Variants in EEF1AKMT1 observed in about 807,000 individuals in gnomAD.
EEF1AKMT1 encodes the protein N-6 adenine-specific DNA methyltransferase 2 (putative).
EEF1AKMT1 carries 18 observed loss-of-function variants against 21.0 expected under a neutral mutation model. That is an observed-to-expected ratio of 0.86 (90% CI 0.59 to 1.27). The LOEUF is 1.27. Among genes scored for constraint, EEF1AKMT1 ranks in the 50% most tolerant of loss-of-function variants. EEF1AKMT1 has a pLI of 0.00. For missense variants in EEF1AKMT1, 246 were observed against 258.6 expected (o/e 0.95, Z 0.33); for synonymous variants, 109 against 94.8 (o/e 1.15, Z -0.87).
At chr13:20,773,899 T>G (rs1040951378) in intron 1 of EEF1AKMT1, 22 bp downstream of exon 1, 2 of 152,394 alleles carry the variant, frequency 1.3e-5, no homozygotes, top group Non-Finnish European at 1.5e-5. Context: ...ACCCTACAGC[T>G]GCGCCCGAAC....
At chr13:20,732,732 CA>C (rs1378858152) in intron 3 of EEF1AKMT1, among the ~76,000 whole-genome samples, 1 of 152,102 alleles carries the variant, frequency 6.6e-6, no homozygotes, top group East Asian at 1.9e-4. Context: ...GTAGTTAGCC[CA>C]AAGCCTAAAT....
rs540291914 is a variant in EEF1AKMT1, at chr13:20,737,366, AAAAT to A, written c.227+353_227+356del. On this transcript the variant is annotated intron_variant, in intron 3 of 4. Coordinates refer to ENST00000382758, the MANE Select transcript of EEF1AKMT1 (RefSeq NM_001318939.2). ...GGGCAACAGAGTGAGACTCCGTCTC[AAAAT>A]AAATAAATACATACATACATATATA... 5.3e-5 allele frequency among the ~76,000 whole-genome samples: 8 copies of A among 152,310 alleles called. No individual in the cohort carries two copies. The South Asian group carries it at 8.3e-4, about 16-fold the overall frequency.
chr13:20,747,021 G>T (rs2058909146), intron 2 of EEF1AKMT1: 3 of 153,572 alleles, frequency 2.0e-5, no homozygotes, highest in Admixed American at 6.5e-5. Context: ...GGGCACATTT[G>T]TTACCTACAT....
chr13:20,767,291 G>A lies in EEF1AKMT1; in HGVS notation c.-20+6630C>T, dbSNP rs537810414. Among the ~76,000 whole-genome samples, 201 of 123,762 alleles carry A rather than the reference G, an allele frequency of 1.6e-3. 1 individual carries two copies. Among genetic ancestry groups the A allele is most frequent in the African/African-American group, 6.1e-3 (196 of 32,030 alleles). 81.2% of individuals were successfully genotyped at this position (123,762 alleles called of 152,430 possible). A position where few individuals can be genotyped will look rare whatever the true frequency, so the allele number is the denominator to read the frequency against. On this transcript the variant is annotated intron_variant, in intron 1 of 4. Transcript: ENST00000382758. ...ACTGCACTCCTGCCTGGGCGACAAA[G>A]CGAGATTCTGTCTCAAAAAAAAAAA...
rs761771447 is a variant in EEF1AKMT1, at chr13:20,731,906, T to A, written c.443A>T (p.Glu148Val). The A allele has an allele frequency of 1.2e-6, 2 of 1,614,162 alleles. No homozygotes were observed. The highest frequency in any genetic ancestry group is 1.7e-6 in the Non-Finnish European group (2 of 1,180,032). ...VIADPPYLSE[E>V]CLRKTSETVK... ...GGTTTCCGATGTTTTTCTGAGACAT[T>A]CCTCCGAAAGATAGGGAGGATCTGC... is the stretch of plus-strand genomic sequence containing the variant. Residue 148 changes from glutamate (E) to valine (V), a missense_variant, in exon 4 of 5, where the codon GAA becomes GTA. By Grantham distance (121) the Glu-to-Val change is moderately radical. Transcript: ENST00000382758.
intron 1 of EEF1AKMT1, among the ~76,000 whole-genome samples, chr13:20,759,026 T>C (rs1038580261): frequency 2.0e-5 from 3 of 152,170 alleles, no homozygotes; most frequent in Non-Finnish European, 2.9e-5. Flanking sequence ...TAACTCAAGA[T>C]GTATTAAAGA....
At chr13:20,743,009 T>C (rs185534354) in intron 2 of EEF1AKMT1, among the ~76,000 whole-genome samples, 2,896 of 126,196 alleles carry the variant, frequency 0.023, 28 homozygotes, top group South Asian at 0.054. Context: ...TTCTTAGTTT[T>C]GAGTTGTTTT....
At chr13:20,773,573 G>T (rs971527820) in intron 1 of EEF1AKMT1, among the ~76,000 whole-genome samples, 2 of 152,248 alleles carry the variant, frequency 1.3e-5, no homozygotes, top group Non-Finnish European at 2.9e-5. Flanking sequence ...TTTCTACTCG[G>T]AGGGAAGGGA....
At chr13:20,752,401 G>T (rs2058946710) in intron 2 of EEF1AKMT1, among the ~76,000 whole-genome samples, 2 of 152,044 alleles carry the variant, frequency 1.3e-5, no homozygotes, top group South Asian at 4.2e-4. Flanking sequence ...CTATTGAGAT[G>T]ATCATATAAC....
chr13:20,762,663 G>A (rs2059006807), intron 1 of EEF1AKMT1, among the ~76,000 whole-genome samples: 2 of 151,908 alleles, frequency 1.3e-5, no homozygotes, highest in African/African-American at 2.4e-5. Flanking sequence ...ACAGGCATGC[G>A]CCACCATGCC....
chr13:20,767,991 T>G (rs758159454), intron 1 of EEF1AKMT1, among the ~76,000 whole-genome samples: 3 of 152,238 alleles, frequency 2.0e-5, no homozygotes, highest in Non-Finnish European at 4.4e-5. Context: ...GAGTCTTTAT[T>G]TGCATATTTC....
intron 2 of EEF1AKMT1, 83 bp downstream of exon 2, chr13:20,757,372 G>T: frequency 1.3e-6 from 2 of 1,501,964 alleles, no homozygotes; most frequent in Non-Finnish European, 1.8e-6. Context: ...CCGGTTTTAG[G>T]TGAGACAGAC....
At chr13:20,745,760 AC>A (rs1257101267) in intron 2 of EEF1AKMT1, among the ~76,000 whole-genome samples, 3 of 152,146 alleles carry the variant, frequency 2.0e-5, no homozygotes, top group African/African-American at 7.2e-5. Flanking sequence ...GAGGCAGAGA[AC>A]TGCTTGAACC....
intron 1 of EEF1AKMT1, among the ~76,000 whole-genome samples, chr13:20,762,812 G>C (rs1472653798): frequency 6.6e-6 from 1 of 152,040 alleles, no homozygotes; most frequent in African/African-American, 2.4e-5. Flanking sequence ...CTACACCCAG[G>C]GTGTAGATGT....
chr13:20,730,894 A>G (rs1183602051), intron 4 of EEF1AKMT1, among the ~76,000 whole-genome samples: 1 of 152,204 alleles, frequency 6.6e-6, no homozygotes, highest in Non-Finnish European at 1.5e-5. Flanking sequence ...GCTCTTCATA[A>G]TAAAGCTTGC....
chr13:20,764,880 AACACACACACACACAC>A (rs34574835), intron 1 of EEF1AKMT1, among the ~76,000 whole-genome samples: 11 of 139,826 alleles, frequency 7.9e-5, no homozygotes, highest in East Asian at 2.2e-4. Context: ...TTTCACTTTC[AACACACACACACACAC>A]ACACACACAC....
At chr13:20,733,873 A>G (rs1358960862) in intron 3 of EEF1AKMT1, among the ~76,000 whole-genome samples, 1 of 152,230 alleles carries the variant, frequency 6.6e-6, no homozygotes, top group Non-Finnish European at 1.5e-5. Context: ...TGTGTGACGC[A>G]TTTCCAACAG....
intron 3 of EEF1AKMT1, among the ~76,000 whole-genome samples, chr13:20,733,788 G>A (rs2058811632): frequency 6.6e-6 from 1 of 152,134 alleles, no homozygotes; most frequent in South Asian, 2.1e-4. Flanking sequence ...CCTTTGTCAC[G>A]TTTGGATTTT....
intron 2 of EEF1AKMT1, among the ~76,000 whole-genome samples, chr13:20,744,908 G>C (rs562912628): frequency 1.2e-4 from 18 of 152,162 alleles, no homozygotes; most frequent in Non-Finnish European, 5.9e-5. Context: ...CATATGGCTA[G>C]CCAGTTTTCC....
Sources: allele counts gnomAD v4.1 joint callset (sites outside exome capture counted in the v4.1 genomes callset), GRCh38; gene constraint gnomAD v4.1.1; transcripts MANE v1.5; gene names NCBI Gene and HGNC (gene_info 2026-07-23, HGNC 2026-07-21).